Variants in TMEM165 observed in about 807,000 individuals in gnomAD.
The protein encoded by TMEM165 is putative divalent cation/proton antiporter TMEM165.
In TMEM165, 19 loss-of-function variants were observed where a neutral mutation model predicts 30.0. The observed-to-expected ratio is 0.63, with a 90% CI of 0.44 to 0.93. The LOEUF is 0.93. Among genes scored for constraint, TMEM165 ranks in the 40% least tolerant of loss-of-function variants. TMEM165 has a pLI of 0.00. For synonymous variants in TMEM165, 168 were observed against 162.9 expected (o/e 1.03, Z -0.24); for missense variants, 340 against 417.0 (o/e 0.82, Z 1.61).
chr4:55,406,683 A>T (rs954815252), intron 1 of TMEM165, among the ~76,000 whole-genome samples: 1 of 152,186 alleles, frequency 6.6e-6, no homozygotes, highest in African/African-American at 2.4e-5. Flanking sequence ...GTTTTGAGAC[A>T]GGGTCTCACT....
intron 1 of TMEM165, chr4:55,397,280 C>G (rs1317162464): frequency 1.3e-5 from 2 of 152,174 alleles, no homozygotes; most frequent in African/African-American, 4.8e-5. Flanking sequence ...CGGTGAGTTG[C>G]CTCCACTAAT....
intron 3 of TMEM165, chr4:55,442,384 T>G (rs773314072): frequency 3.4e-6 from 5 of 1,491,066 alleles, no homozygotes; most frequent in Admixed American, 1.7e-5. Context: ...TGTTTTCTAA[T>G]CAATCGGTTT....
intron 3 of TMEM165, among the ~76,000 whole-genome samples, chr4:55,451,462 T>G (rs1354027313): frequency 6.6e-6 from 1 of 152,078 alleles, no homozygotes; most frequent in Admixed American, 6.6e-5. Context: ...GACACACCCA[T>G]CCCTTTGGTG....
intron 1 of TMEM165, among the ~76,000 whole-genome samples, chr4:55,400,866 G>A (rs1293180764): frequency 6.6e-6 from 1 of 150,450 alleles, no homozygotes; most frequent in Non-Finnish European, 1.5e-5. Context: ...GGCTATTTTT[G>A]TCCACCTGAT....
intron 3 of TMEM165, among the ~76,000 whole-genome samples, chr4:55,451,170 T>C (rs372185765): frequency 3.0e-4 from 46 of 152,274 alleles, no homozygotes; most frequent in African/African-American, 1.0e-3. Context: ...AAAACTGTCT[T>C]TTAAACCAAC....
chr4:55,399,152 T>C (rs1720850976), intron 1 of TMEM165: 1 of 152,162 alleles, frequency 6.6e-6, no homozygotes, highest in South Asian at 2.1e-4. Context: ...TAACCCATGG[T>C]AACAGAGAGA....
chr4:55,424,169 A>C (rs999295605), intron 4 of TMEM165: 1 of 178,866 alleles, frequency 5.6e-6, no homozygotes, highest in African/African-American at 2.4e-5. Context: ...AATACCAAGC[A>C]GTATCTGAGG....
At chr4:55,441,709 T>A (rs1302622226) in intron 3 of TMEM165, among the ~76,000 whole-genome samples, 1 of 151,908 alleles carries the variant, frequency 6.6e-6, no homozygotes, top group Admixed American at 6.5e-5. Flanking sequence ...CAGAGTGATA[T>A]AATAGACTTT....
intron 1 of TMEM165, among the ~76,000 whole-genome samples, chr4:55,399,785 C>T (rs551730981): frequency 9.2e-5 from 14 of 152,126 alleles, no homozygotes; most frequent in Non-Finnish European, 1.3e-4. Context: ...ATTGCAGCCT[C>T]CAGCTCCTGG....
chr4:55,412,920 T>A (rs760633167), intron 2 of TMEM165, among the ~76,000 whole-genome samples: 21 of 152,066 alleles, frequency 1.4e-4, no homozygotes, highest in Non-Finnish European at 2.6e-4. Context: ...TAAATAATCA[T>A]TTTAAAAAAT....
exon 4 of TMEM165, chr4:55,453,204 G>T: frequency 8.8e-7 from 1 of 1,141,620 alleles, no homozygotes; most frequent in Non-Finnish European, 1.3e-6. Context: ...TAACTATTCA[G>T]TGTTGTTACG....
chr4:55,419,374 A>G (rs1214782634), intron 4 of TMEM165, among the ~76,000 whole-genome samples: 3 of 152,212 alleles, frequency 2.0e-5, no homozygotes, highest in Admixed American at 6.5e-5. Flanking sequence ...GTGGGAAGCT[A>G]GAGACCTCAG....
intron 3 of TMEM165, chr4:55,444,840 A>T: frequency 1.1e-5 from 17 of 1,543,344 alleles, no homozygotes; most frequent in Middle Eastern, 1.7e-4. Flanking sequence ...CTTACTCCTT[A>T]TAATTGCACA....
intron 3 of TMEM165, among the ~76,000 whole-genome samples, chr4:55,441,151 T>C (rs1723336546): frequency 6.6e-6 from 1 of 152,218 alleles, no homozygotes; most frequent in South Asian, 2.1e-4. Flanking sequence ...AAATGTTTGC[T>C]AAGATGTGGT....
At chr4:55,404,267 G>A (rs1243701359) in intron 1 of TMEM165, among the ~76,000 whole-genome samples, 2 of 150,920 alleles carry the variant, frequency 1.3e-5, no homozygotes, top group Non-Finnish European at 3.0e-5. Context: ...TGTCCACCTC[G>A]GCCTCCCAAA....
chr4:55,421,191 C>T (rs866431295), intron 4 of TMEM165, among the ~76,000 whole-genome samples: 1 of 138,712 alleles, frequency 7.2e-6, no homozygotes, highest in Non-Finnish European at 1.5e-5. Flanking sequence ...AAAAAAAAGA[C>T]GACTCAGTAT....
chr4:55,404,021 C>CAA (rs1721164766), intron 1 of TMEM165, among the ~76,000 whole-genome samples: 3 of 142,778 alleles, frequency 2.1e-5, no homozygotes, highest in South Asian at 4.7e-4. Flanking sequence ...TCTTTCCTTC[C>CAA]TTCCTTCCTT....
intron 1 of TMEM165, among the ~76,000 whole-genome samples, chr4:55,406,986 A>G (rs963895452): frequency 1.3e-5 from 2 of 152,214 alleles, no homozygotes; most frequent in East Asian, 3.8e-4. Context: ...CTTTATTACA[A>G]ATGATAGCAT....
chr4:55,421,607 T>C (rs1369899589), intron 4 of TMEM165, among the ~76,000 whole-genome samples: 1 of 152,160 alleles, frequency 6.6e-6, no homozygotes, highest in Non-Finnish European at 1.5e-5. Flanking sequence ...AATAGAACCA[T>C]CTTCATGGGT....
Sources: allele counts gnomAD v4.1 joint callset (sites outside exome capture counted in the v4.1 genomes callset), GRCh38; gene constraint gnomAD v4.1.1; transcripts MANE v1.5; gene names NCBI Gene and HGNC (gene_info 2026-07-23, HGNC 2026-07-21).